The following ENTREP2 variants were observed in gnomAD, a reference collection of about 807,000 sequenced individuals.
ENTREP2 encodes the protein endosomal transmembrane epsin interactor 2.
the ENTREP2 span, among the ~76,000 whole-genome samples, chr15:29,289,716 C>T: frequency 2.0e-5 from 3 of 151,848 alleles, no homozygotes; most frequent in African/African-American, 4.8e-5. Flanking sequence ...CATGGTGGTG[C>T]GCACCTGTAA....
the ENTREP2 span, among the ~76,000 whole-genome samples, chr15:29,310,580 G>A: frequency 6.6e-6 from 1 of 152,242 alleles, no homozygotes; most frequent in Non-Finnish European, 1.5e-5. Context: ...GACAGGAGAA[G>A]AGAAACTGGC....
At chr15:29,377,273 G>A in the ENTREP2 span, among the ~76,000 whole-genome samples, 3 of 152,054 alleles carry the variant, frequency 2.0e-5, no homozygotes, top group Non-Finnish European at 4.4e-5. Flanking sequence ...GGTCTCACAC[G>A]TCATCTGGAA....
chr15:29,454,062 C>T, the ENTREP2 span, among the ~76,000 whole-genome samples: 10 of 152,160 alleles, frequency 6.6e-5, no homozygotes, highest in Admixed American at 2.0e-4. Context: ...CATCACTTGA[C>T]ATTTCCTCCA....
the ENTREP2 span, among the ~76,000 whole-genome samples, chr15:29,202,223 T>C: frequency 8.5e-5 from 13 of 152,128 alleles, no homozygotes; most frequent in African/African-American, 2.9e-4. Context: ...TCCTTTTTCA[T>C]TGGTTTTTCT....
chr15:29,587,138 CGTGTGTGTGT>C, the ENTREP2 span, among the ~76,000 whole-genome samples: 3,408 of 123,994 alleles, frequency 0.027, 65 homozygotes, highest in African/African-American at 0.053. Context: ...TGTAGCTAAC[CGTGTGTGTGT>C]GTGTGTGTGT....
the ENTREP2 span, among the ~76,000 whole-genome samples, chr15:29,620,329 A>G: frequency 6.2e-3 from 942 of 152,176 alleles, 21 homozygotes; most frequent in African/African-American, 0.022. Flanking sequence ...ACCGGGGGGA[A>G]GTGGTTGCTG....
At chr15:29,243,396 G>A in the ENTREP2 span, among the ~76,000 whole-genome samples, 1 of 152,138 alleles carries the variant, frequency 6.6e-6, no homozygotes, top group Non-Finnish European at 1.5e-5. Context: ...ACATCAATCT[G>A]AGCGATGATT....
chr15:29,454,909 T>C, the ENTREP2 span, among the ~76,000 whole-genome samples: 24 of 152,204 alleles, frequency 1.6e-4, no homozygotes, highest in African/African-American at 5.3e-4. Flanking sequence ...AGATTACTAA[T>C]GCATTATACA....
chr15:29,270,727 TG>T, the ENTREP2 span, among the ~76,000 whole-genome samples: 1 of 152,250 alleles, frequency 6.6e-6, no homozygotes, highest in Non-Finnish European at 1.5e-5. Flanking sequence ...ATATTTTAAT[TG>T]TGCAACTCAA....
the ENTREP2 span, among the ~76,000 whole-genome samples, chr15:29,652,820 G>A: frequency 5.9e-5 from 9 of 152,320 alleles, no homozygotes; most frequent in South Asian, 2.1e-4. Flanking sequence ...GCCACTCCAC[G>A]CCTGGCTCAA....
chr15:29,419,863 T>C, the ENTREP2 span, among the ~76,000 whole-genome samples: 1 of 152,026 alleles, frequency 6.6e-6, no homozygotes, highest in Non-Finnish European at 1.5e-5. Context: ...AAAATAAAAA[T>C]GTTTCTGAGA....
At chr15:29,671,679 A>G in the ENTREP2 span, among the ~76,000 whole-genome samples, 1 of 152,254 alleles carries the variant, frequency 6.6e-6, no homozygotes, top group South Asian at 2.1e-4. Flanking sequence ...CTGGGTCCCA[A>G]TGGGCCTTTA....
chr15:29,498,453 G>A, the ENTREP2 span, among the ~76,000 whole-genome samples: 2 of 151,968 alleles, frequency 1.3e-5, no homozygotes, highest in South Asian at 2.1e-4. Flanking sequence ...CCTTCCATTA[G>A]TTATTTCTAG....
the ENTREP2 span, among the ~76,000 whole-genome samples, chr15:29,205,023 C>T: frequency 6.6e-6 from 1 of 152,290 alleles, no homozygotes; most frequent in East Asian, 1.9e-4. Context: ...TCTACTTTCT[C>T]TCTCTGTGGA....
At chr15:29,323,853 A>G in the ENTREP2 span, among the ~76,000 whole-genome samples, 1 of 152,008 alleles carries the variant, frequency 6.6e-6, no homozygotes, top group African/African-American at 2.4e-5. Flanking sequence ...AGTTTGAGAA[A>G]TTTTTTCCCA....
the ENTREP2 span, chr15:29,569,915 T>C: frequency 6.7e-6 from 1 of 149,756 alleles, no homozygotes; most frequent in African/African-American, 2.5e-5. Context: ...AACCACGCCG[T>C]TCTGGGCGGA....
chr15:29,310,413 C>G, the ENTREP2 span, among the ~76,000 whole-genome samples: 3 of 152,180 alleles, frequency 2.0e-5, no homozygotes, highest in Non-Finnish European at 4.4e-5. Flanking sequence ...ACTGCCCTGG[C>G]TCGGTCAAGG....
At chr15:29,642,101 G>A in the ENTREP2 span, among the ~76,000 whole-genome samples, 4 of 152,092 alleles carry the variant, frequency 2.6e-5, no homozygotes, top group African/African-American at 9.6e-5. Flanking sequence ...CAAAATCCCA[G>A]CTGACTTATT....
the ENTREP2 span, among the ~76,000 whole-genome samples, chr15:29,288,129 TTGA>T: frequency 4.6e-5 from 7 of 152,196 alleles, no homozygotes; most frequent in Admixed American, 4.6e-4. Flanking sequence ...ATAAAGCTAT[TTGA>T]TGATAACAGG....
Sources: gnomAD v4.1 joint callset for allele counts (sites outside exome capture counted in the v4.1 genomes callset) on GRCh38, gnomAD v4.1.1 for gene constraint, MANE v1.5 for transcripts, NCBI Gene and HGNC (gene_info 2026-07-23, HGNC 2026-07-21) for gene names.